The following TMEM150B variants were observed in gnomAD, a reference collection of about 807,000 sequenced individuals.
The protein encoded by TMEM150B is transmembrane protein 150B.
In TMEM150B, 33 loss-of-function variants were observed where a neutral mutation model predicts 25.2. The observed-to-expected ratio is 1.31, with a 90% confidence interval of 0.99 to 1.75. TMEM150B has a LOEUF of 1.75. Ranked by LOEUF, TMEM150B falls within the 40% of genes most tolerant of loss-of-function variation. The pLI is 0.00. For missense variants in TMEM150B, 322 were observed against 306.1 expected, an observed-to-expected ratio of 1.05 and a Z score of -0.39; for synonymous variants, 133 against 134.8, an observed-to-expected ratio of 0.99 and a Z score of 0.09.
chr19:55,309,895 C>T (rs926295618), downstream of TMEM150B, among the ~76,000 whole-genome samples: 6 of 152,144 alleles, frequency 3.9e-5, no homozygotes, highest in Admixed American at 6.6e-5. Flanking sequence ...TTGCAGGGCA[C>T]GTGGACAGCC....
intron 1 of TMEM150B, among the ~76,000 whole-genome samples, chr19:55,323,499 G>A (rs1032073905): frequency 3.3e-5 from 5 of 151,422 alleles, no homozygotes; most frequent in Non-Finnish European, 5.9e-5. Context: ...TGCAACCATC[G>A]CCTCTTTCTT....
At chr19:55,310,302 G>A (rs1422065581), downstream of TMEM150B, among the ~76,000 whole-genome samples, 5 of 152,110 alleles carry the variant, frequency 3.3e-5, no homozygotes, top group Non-Finnish European at 7.4e-5. The surrounding 1 kb of genome is among the most constrained non-coding windows in gnomAD (Gnocchi z 5.0). Context: ...GTTCCTAGGC[G>A]CTCTGGTTAA....
chr19:55,320,225 A>G lies in TMEM150B; in HGVS notation c.197-59T>C, dbSNP rs148122524. On this transcript the variant is annotated intron_variant, in intron 5 of 7. Coordinates refer to ENST00000326652, the MANE Select transcript of TMEM150B (RefSeq NM_001282011.2). ...GACCCACCAAGAACTCCTGGGACCC[A>G]GGGAGGGAAGTGAGGGGAGCAAGGT... 1,575 of 1,587,588 alleles carry G rather than the reference A, an allele frequency of 9.9e-4. 18 individuals are homozygous for G. In the African/African-American group the frequency reaches 0.019, roughly 19 times the overall value.
At chr19:55,314,694 A>C (rs948913875) in intron 7 of TMEM150B, among the ~76,000 whole-genome samples, 1 of 151,758 alleles carries the variant, frequency 6.6e-6, no homozygotes, top group African/African-American at 2.4e-5. Flanking sequence ...TCTGGGCTGG[A>C]TCTTATCACC....
At chr19:55,313,259 G>A (rs1246422855) in intron 7 of TMEM150B, among the ~76,000 whole-genome samples, 1 of 152,136 alleles carries the variant, frequency 6.6e-6, no homozygotes, top group Non-Finnish European at 1.5e-5. Flanking sequence ...GCTTGCACAT[G>A]CTTTCCTTTG....
At chr19:55,316,598 G>A (rs1006531602) in intron 7 of TMEM150B, among the ~76,000 whole-genome samples, 188 bp downstream of exon 7, 1 of 151,706 alleles carries the variant, frequency 6.6e-6, no homozygotes, top group African/African-American at 2.4e-5. Context: ...GCTGTGTGGA[G>A]GACAGGGGCT....
chr19:55,317,040 C>T (rs975136386), intron 6 of TMEM150B, 74 bp from the exon 7 acceptor site: 3 of 1,413,698 alleles, frequency 2.1e-6, no homozygotes, highest in Non-Finnish European at 2.9e-6. Context: ...GGCCAGGGCC[C>T]TTCACCAATG....
chr19:55,324,477 G>A (rs1292708203), intron 1 of TMEM150B, among the ~76,000 whole-genome samples: 2 of 151,834 alleles, frequency 1.3e-5, no homozygotes, highest in Non-Finnish European at 2.9e-5. Context: ...GTGAAACCCC[G>A]TCTCTACTAA....
intron 7 of TMEM150B, among the ~76,000 whole-genome samples, chr19:55,315,153 T>TA (rs1283751899): frequency 6.6e-6 from 1 of 151,284 alleles, no homozygotes; most frequent in African/African-American, 2.4e-5. Flanking sequence ...CCATCTCTAC[T>TA]AAAAACACAA....
At chr19:55,311,819 G>C, downstream of TMEM150B, 1 of 1,370,938 alleles carries the variant, frequency 7.3e-7, no homozygotes, top group Non-Finnish European at 1.0e-6. Context: ...TACTGAGACC[G>C]ACTGATGAGG....
chr19:55,321,199 G>A (rs1109368), intron 2 of TMEM150B, 106 bp from the exon 3 acceptor site: 534,619 of 1,394,120 alleles, frequency 0.38, 105,204 homozygotes, highest in South Asian at 0.48. Flanking sequence ...GGTCTGATCT[G>A]ATTGGCCAGC....
At chr19:55,319,396 A>G in intron 6 of TMEM150B, 1 of 139,800 alleles carries the variant, frequency 7.2e-6, no homozygotes, top group Non-Finnish European at 1.5e-5. Flanking sequence ...TACAGCCGTG[A>G]GCCACAGAGC....
At chr19:55,319,137 G>A (rs2089106217) in intron 6 of TMEM150B, among the ~76,000 whole-genome samples, 1 of 151,924 alleles carries the variant, frequency 6.6e-6, no homozygotes, top group African/African-American at 2.4e-5. Flanking sequence ...TTGAGACTGA[G>A]TCTCACTCTT....
chr19:55,324,944 G>A (rs1414036916), intron 1 of TMEM150B: 1 of 937,258 alleles, frequency 1.1e-6, no homozygotes, highest in South Asian at 4.9e-5. Flanking sequence ...GCCCAGGGGA[G>A]GGAGGGGTCC....
intron 1 of TMEM150B, chr19:55,324,736 T>G (rs1172777786): frequency 1.0e-6 from 1 of 985,336 alleles, no homozygotes; most frequent in Non-Finnish European, 1.2e-6. Context: ...CTCCAAGTCC[T>G]CCTCACCCCT....
chr19:55,315,717 C>T (rs1354405946), intron 7 of TMEM150B, among the ~76,000 whole-genome samples: 2 of 151,048 alleles, frequency 1.3e-5, no homozygotes, highest in South Asian at 2.1e-4. Context: ...GCCAAGATCA[C>T]GCCACTTCAC....
At chr19:55,316,486 C>T (rs898333163) in intron 7 of TMEM150B, among the ~76,000 whole-genome samples, 3 of 152,074 alleles carry the variant, frequency 2.0e-5, no homozygotes, top group Non-Finnish European at 4.4e-5. Flanking sequence ...ATTATCCTAT[C>T]CACTCCACAA....
chr19:55,322,106 G>A (rs1200191442), intron 2 of TMEM150B, among the ~76,000 whole-genome samples: 1 of 152,116 alleles, frequency 6.6e-6, no homozygotes, highest in Non-Finnish European at 1.5e-5. Flanking sequence ...TCCTGGCTTG[G>A]TATTTAGGGA....
Position 55,312,885 on chromosome 19 carries a change from G to T in TMEM150B, c.676C>A (p.Pro226Thr). The T allele has an allele frequency of 6.3e-7, 1 of 1,598,472 alleles. No individual in the cohort carries two copies. The highest frequency in any genetic ancestry group is 2.3e-5 in the East Asian group (1 of 44,044). ...TACAGCTGGACCGGCAGGGAGATGG[G>T]GGAGGCCGGCGGGGGGCTGAGGCTG... ...WPSLSPPPAS[P>T]ISLPVQL Residue 226 changes from proline to threonine, a missense_variant, in exon 8 of 8, where the codon CCC becomes ACC. Coordinates refer to ENST00000326652, the MANE Select transcript of TMEM150B (RefSeq NM_001282011.2).
Sources: allele counts gnomAD v4.1 joint callset (sites outside exome capture counted in the v4.1 genomes callset), GRCh38; gene constraint gnomAD v4.1.1; non-coding constraint Gnocchi (gnomAD v3.1); transcripts MANE v1.5; gene names NCBI Gene and HGNC (gene_info 2026-07-23, HGNC 2026-07-21).